Variants in ECT2L observed in about 807,000 individuals in gnomAD.
The protein encoded by ECT2L is epithelial cell-transforming sequence 2 oncogene-like.
ECT2L carries 126 observed loss-of-function variants against 122.8 expected under a neutral mutation model. The observed-to-expected ratio is 1.03, with a 90% confidence interval of 0.89 to 1.19. The LOEUF (loss-of-function observed/expected upper bound fraction) is 1.19, where lower values mean the gene tolerates loss of function less well. Ranked by LOEUF, ECT2L falls within the 50% of genes most tolerant of loss-of-function variation. ECT2L has a pLI of 0.00. For synonymous variants in ECT2L, 385 were observed against 381.8 expected (o/e 1.01, Z -0.10); for missense variants, 1,012 against 1,064.1 (o/e 0.95, Z 0.68).
At chr6:138,900,023 T>C (rs1779346174) in intron 20 of ECT2L, among the ~76,000 whole-genome samples, 1 of 152,218 alleles carries the variant, frequency 6.6e-6, no homozygotes. Flanking sequence ...TTTTGCCCCT[T>C]GATAAATATG....
At chr6:138,886,216 C>A (rs1778816086) in intron 18 of ECT2L, among the ~76,000 whole-genome samples, 1 of 151,818 alleles carries the variant, frequency 6.6e-6, no homozygotes, top group Non-Finnish European at 1.5e-5. Flanking sequence ...CATAATTATT[C>A]TCTGAAGAAG....
chr6:138,897,452 G>A (rs1779254650), intron 20 of ECT2L, among the ~76,000 whole-genome samples: 1 of 152,080 alleles, frequency 6.6e-6, no homozygotes, highest in African/African-American at 2.4e-5. Context: ...CAAATACCAA[G>A]CATCCTCAGA....
At chr6:138,842,644 T>A (rs59841832) in intron 5 of ECT2L, among the ~76,000 whole-genome samples, 11 of 149,172 alleles carry the variant, frequency 7.4e-5, no homozygotes, top group South Asian at 6.4e-4. Context: ...TGGTGGCGGG[T>A]GCCTGTAGTC....
chr6:138,821,402 T>TA (rs1776263823), intron 4 of ECT2L, among the ~76,000 whole-genome samples: 1 of 152,206 alleles, frequency 6.6e-6, no homozygotes, highest in Non-Finnish European at 1.5e-5. Context: ...TCTGCCTCTG[T>TA]AGCCATGGCT....
At chr6:138,821,189 C>G (rs1776257476) in intron 4 of ECT2L, among the ~76,000 whole-genome samples, 1 of 152,202 alleles carries the variant, frequency 6.6e-6, no homozygotes, top group Non-Finnish European at 1.5e-5. Context: ...TCTGTGGGTG[C>G]CTTTTTCATT....
intron 12 of ECT2L, among the ~76,000 whole-genome samples, chr6:138,866,772 A>G (rs1303492053): frequency 2.6e-5 from 4 of 152,210 alleles, no homozygotes; most frequent in Non-Finnish European, 5.9e-5. Context: ...TTTGGACTTT[A>G]AAATATTTAT....
rs1430952284 is a variant in ECT2L at position 138,903,886 on chromosome 6, T to G, written c.*1259T>G. The G allele has an allele frequency of 6.6e-6, 1 of 152,200 alleles. No individual in the cohort carries two copies. The highest frequency in any genetic ancestry group is 2.4e-5 in the African/African-American group (1 of 41,476). The allele number at this position is 152,200 out of a possible 1,614,324, so 9.4% of individuals were successfully genotyped here. On this transcript the variant is annotated 3_prime_UTR_variant, in exon 22 of 22. Coordinates refer to ENST00000541398, the MANE Select transcript of ECT2L (RefSeq NM_001077706.3). ...TTGTTCTTCAAATTCTTGTTTACAG[T>G]AACAAAGTCTATCGGTGCAGTTTAG...
chr6:138,858,269 A>C (rs1777691329), intron 10 of ECT2L, among the ~76,000 whole-genome samples: 1 of 152,132 alleles, frequency 6.6e-6, no homozygotes. Flanking sequence ...CTGGATGTTT[A>C]ATTTTCACAT....
At chr6:138,835,508 C>T (rs1400536666) in intron 4 of ECT2L, among the ~76,000 whole-genome samples, 9 of 150,464 alleles carry the variant, frequency 6.0e-5, no homozygotes, top group East Asian at 3.9e-4. Context: ...ACTGAGATTG[C>T]GCCACTGCCC....
chr6:138,884,988 A>G (rs1239023834), intron 16 of ECT2L, among the ~76,000 whole-genome samples: 1 of 151,032 alleles, frequency 6.6e-6, no homozygotes, highest in Non-Finnish European at 1.5e-5. Context: ...AGTTCAATGA[A>G]TAGGGTCAGG....
intron 9 of ECT2L, among the ~76,000 whole-genome samples, chr6:138,849,727 C>T (rs1417592703): frequency 2.0e-5 from 3 of 152,024 alleles, no homozygotes; most frequent in Admixed American, 6.6e-5. Flanking sequence ...TGCCGCCACG[C>T]CCAGCTAATT....
At chr6:138,883,642 C>T (rs1582655833) in intron 16 of ECT2L, among the ~76,000 whole-genome samples, 1 of 152,290 alleles carries the variant, frequency 6.6e-6, no homozygotes, top group South Asian at 2.1e-4. Context: ...TTCTACCCCA[C>T]CCAGGGAGTC....
In ECT2L at chr6:138,898,944, A is replaced by G. The variant is rs1779304995; in HGVS notation, c.2415-2004A>G. Among the ~76,000 whole-genome samples, 8 of 152,306 alleles carry G rather than the reference A, an allele frequency of 5.3e-5. No individual in the cohort carries two copies. The South Asian group carries it at 1.7e-3, about 32-fold the overall frequency. ...CCATAAGAGATTAACAATATTTAAT[A>G]AAATAGAACAATTATAATGACATAA... is the stretch of plus-strand genomic sequence containing the variant. On this transcript the variant is annotated intron_variant, in intron 20 of 21. Transcript: ENST00000541398.
At chr6:138,894,059 T>C (rs889797632) in intron 20 of ECT2L, among the ~76,000 whole-genome samples, 3 of 152,096 alleles carry the variant, frequency 2.0e-5, no homozygotes, top group South Asian at 2.1e-4. Flanking sequence ...CTCTTTCTTT[T>C]TAATTATTAT....
At chr6:138,883,701 A>C (rs550050263) in intron 16 of ECT2L, among the ~76,000 whole-genome samples, 2 of 152,222 alleles carry the variant, frequency 1.3e-5, no homozygotes, top group South Asian at 4.1e-4. Context: ...TAAATAAGGT[A>C]GTTTCATAGA....
At chr6:138,879,528 G>A (rs1778576557) in intron 14 of ECT2L, 1 of 151,940 alleles carries the variant, frequency 6.6e-6, no homozygotes, top group African/African-American at 2.4e-5. Flanking sequence ...TTTGAAATAT[G>A]CAAATAAAAG....
intron 1 of ECT2L, among the ~76,000 whole-genome samples, chr6:138,812,175 AGCCT>A (rs1775924016): frequency 6.6e-6 from 1 of 152,194 alleles, no homozygotes; most frequent in East Asian, 1.9e-4. Context: ...TAGGAAGAGA[AGCCT>A]CCTCAAACCA....
chr6:138,814,432 T>A, intron 3 of ECT2L, 59 bp from the exon 4 acceptor site: 1 of 1,058,604 alleles, frequency 9.4e-7, no homozygotes, highest in Non-Finnish European at 1.4e-6. Context: ...AAAGATTGCT[T>A]AGCAATTAAA....
chr6:138,838,513 A>G lies in ECT2L; in HGVS notation c.341A>G (p.Gln114Arg), dbSNP rs1373358213. Residue 114 changes from glutamine to arginine, a missense_variant and splice_region_variant, in exon 5 of 22, where the codon CAG becomes CGG. By Grantham distance (43) the Gln-to-Arg change is conservative (BLOSUM62 1). Transcript: ENST00000541398. ...VSWPWKFLTE[Q>R]DCLWMPKCVK... The stretch of plus-strand genomic sequence containing the variant: ...TGGCCCTGGAAGTTTTTAACTGAAC[A>G]GGTTTACTATTTGCCACTTCCTAGT... 2 of 1,609,184 alleles carry G rather than the reference A, an allele frequency of 1.2e-6. No homozygotes were observed. Among genetic ancestry groups the G allele is most frequent in the Non-Finnish European group, 1.7e-6 (2 of 1,178,408 alleles).
Sources: allele counts gnomAD v4.1 joint callset (sites outside exome capture counted in the v4.1 genomes callset), GRCh38; gene constraint gnomAD v4.1.1; transcripts MANE v1.5; gene names NCBI Gene and HGNC (gene_info 2026-07-23, HGNC 2026-07-21).